The following CSMD1 variants were observed in gnomAD, a reference collection of about 807,000 sequenced individuals.
CSMD1 encodes the protein CUB and sushi domain-containing protein 1.
A neutral mutation model predicts 417.5 loss-of-function variants in CSMD1; 213 were observed. That is an observed-to-expected ratio of 0.51 (90% CI 0.46 to 0.57). CSMD1 has a LOEUF of 0.57. Ranked by LOEUF, CSMD1 falls within the 20% of genes least tolerant of loss-of-function variation. The pLI is 0.00. For synonymous variants in CSMD1, 2,862 were observed against 1,736.8 expected (o/e 1.65, Z -16.11); for missense variants, 6,923 against 4,529.7 (o/e 1.53, Z -15.17).
intron 1 of CSMD1, among the ~76,000 whole-genome samples, chr8:4,793,538 T>G (rs1400180115): frequency 6.6e-6 from 1 of 152,058 alleles, no homozygotes; most frequent in East Asian, 1.9e-4. Context: ...TCATAGCTGT[T>G]CTGCTTGCAG....
chr8:3,551,789 T>C (rs1456789133), intron 10 of CSMD1, among the ~76,000 whole-genome samples: 2 of 152,132 alleles, frequency 1.3e-5, no homozygotes, highest in African/African-American at 4.8e-5. Flanking sequence ...CTCTGTAATG[T>C]GATCATGCTG....
chr8:3,662,879 T>C (rs560554282), intron 7 of CSMD1, among the ~76,000 whole-genome samples: 26 of 151,942 alleles, frequency 1.7e-4, no homozygotes, highest in African/African-American at 6.3e-4. Context: ...AGGACAAATA[T>C]GTAATGCATG....
chr8:3,291,079 T>C (rs1329958658), intron 25 of CSMD1, among the ~76,000 whole-genome samples: 1 of 152,234 alleles, frequency 6.6e-6, no homozygotes, highest in Non-Finnish European at 1.5e-5. Context: ...TCTTTTGAGA[T>C]AATCATGTGG....
At chr8:4,719,535 A>G (rs1013480746) in intron 1 of CSMD1, among the ~76,000 whole-genome samples, 2 of 151,814 alleles carry the variant, frequency 1.3e-5, no homozygotes, top group Non-Finnish European at 2.9e-5. Context: ...CAAAAAAAAA[A>G]TCTTCACAAC....
At chr8:3,777,405 T>C (rs1798951078) in intron 5 of CSMD1, among the ~76,000 whole-genome samples, 1 of 152,080 alleles carries the variant, frequency 6.6e-6, no homozygotes, top group East Asian at 1.9e-4. Context: ...CCTCCACTGC[T>C]CTTGCACCTG....
chr8:3,336,144 T>C (rs973859246), intron 23 of CSMD1, among the ~76,000 whole-genome samples: 2 of 147,014 alleles, frequency 1.4e-5, no homozygotes, highest in Non-Finnish European at 3.0e-5. Flanking sequence ...CTCTGTTCCC[T>C]CATACCTAAG....
At chr8:3,649,949 T>TA (rs60527606) in intron 7 of CSMD1, among the ~76,000 whole-genome samples, 63,017 of 151,916 alleles carry the variant, frequency 0.41, 13,407 homozygotes, top group Middle Eastern at 0.47. Flanking sequence ...TTCTTATTTT[T>TA]AAAAAACAAT....
At chr8:4,356,239 A>G (rs1295090756) in intron 3 of CSMD1, among the ~76,000 whole-genome samples, 1 of 152,160 alleles carries the variant, frequency 6.6e-6, no homozygotes, top group Non-Finnish European at 1.5e-5. Flanking sequence ...CTTCACTTAG[A>G]ACAATTGTCT....
intron 12 of CSMD1, among the ~76,000 whole-genome samples, chr8:3,453,604 C>A (rs1815900516): frequency 6.6e-6 from 1 of 152,140 alleles, no homozygotes; most frequent in South Asian, 2.1e-4. Context: ...TGTTCAGTTT[C>A]CATGTAACTG....
chr8:3,439,309 A>ATATATATATATATATATATATATATAT, intron 12 of CSMD1, among the ~76,000 whole-genome samples: 4 of 62,450 alleles, frequency 6.4e-5, no homozygotes, highest in African/African-American at 2.7e-4. Context: ...ATATATATAT[A>ATATATATATATATATATATATATATAT]TTTTTTTTTT....
chr8:3,462,154 C>G (rs1261603454), intron 12 of CSMD1, among the ~76,000 whole-genome samples: 1 of 152,120 alleles, frequency 6.6e-6, no homozygotes, highest in African/African-American at 2.4e-5. Flanking sequence ...TGCTCGGGAC[C>G]CACACTGCAT....
intron 10 of CSMD1, among the ~76,000 whole-genome samples, chr8:3,544,200 G>A (rs151115880): frequency 1.3e-5 from 2 of 152,078 alleles, no homozygotes; most frequent in Non-Finnish European, 2.9e-5. Flanking sequence ...GTTAAGGGAA[G>A]AGATTGATAA....
At chr8:4,764,882 A>AAAACAAAAAAAAAAAACAAAACAAAAC (rs1563326772) in intron 1 of CSMD1, among the ~76,000 whole-genome samples, 4 of 47,556 alleles carry the variant, frequency 8.4e-5, no homozygotes, top group African/African-American at 3.0e-4. Flanking sequence ...CAAAAAAAAA[A>AAAACAAAAAAAAAAAACAAAACAAAAC]AAAAAAAAAA....
At chr8:4,174,454 T>G (rs1220439674) in intron 3 of CSMD1, among the ~76,000 whole-genome samples, 1 of 151,880 alleles carries the variant, frequency 6.6e-6, no homozygotes, top group African/African-American at 2.4e-5. Context: ...GTTTTTCTAT[T>G]GTTTAAATAA....
intron 1 of CSMD1, among the ~76,000 whole-genome samples, chr8:4,817,391 C>T (rs1310435226): frequency 6.6e-6 from 1 of 152,210 alleles, no homozygotes; most frequent in East Asian, 1.9e-4. Flanking sequence ...GCCTGCTTGG[C>T]AACCTACGTC....
At chr8:3,051,682 C>G (rs1365095144) in intron 50 of CSMD1, among the ~76,000 whole-genome samples, 1 of 152,078 alleles carries the variant, frequency 6.6e-6, no homozygotes, top group Non-Finnish European at 1.5e-5. Flanking sequence ...ATTATAGAAC[C>G]ATAAAAATTC....
chr8:4,052,976 G>A (rs1041838894), intron 3 of CSMD1, among the ~76,000 whole-genome samples: 1 of 152,072 alleles, frequency 6.6e-6, no homozygotes, highest in Non-Finnish European at 1.5e-5. Context: ...GAACCTGAGG[G>A]CCCCCTTACT....
At chr8:3,898,555 C>A (rs116123984) in intron 5 of CSMD1, among the ~76,000 whole-genome samples, 1,696 of 152,280 alleles carry the variant, frequency 0.011, 34 homozygotes, top group African/African-American at 0.038. Context: ...AAACATAAAT[C>A]TATCCTGTAA....
intron 5 of CSMD1, among the ~76,000 whole-genome samples, chr8:3,883,385 A>G (rs971934509): frequency 9.9e-5 from 15 of 152,056 alleles, no homozygotes; most frequent in African/African-American, 3.4e-4. Flanking sequence ...GATTTCTCAT[A>G]GTTTTAAACT....
Sources: allele counts gnomAD v4.1 joint callset (sites outside exome capture counted in the v4.1 genomes callset), GRCh38; gene constraint gnomAD v4.1.1; transcripts MANE v1.5; gene names NCBI Gene and HGNC (gene_info 2026-07-23, HGNC 2026-07-21).